The following NRXN3 variants were observed in gnomAD, a reference collection of about 807,000 sequenced individuals.
The protein encoded by NRXN3 is neurexin 3, also known as neurexin III.
Under a neutral mutation model 137.6 loss-of-function variants are expected in NRXN3, and 32 were observed. The ratio of observed to expected loss-of-function variants is 0.23; its 90% CI spans 0.18 to 0.31. The LOEUF (loss-of-function observed/expected upper bound fraction) is 0.31, where lower values mean the gene tolerates loss of function less well. Among genes scored for constraint, NRXN3 ranks in the 10% least tolerant of loss-of-function variants. The probability of loss-of-function intolerance (pLI) is 1.00; values close to 1 mark genes in which losing one functional copy is unlikely to be tolerated. For synonymous variants in NRXN3, 798 were observed against 784.5 expected (o/e 1.02, Z -0.29); for missense variants, 1,574 against 2,062.5 (o/e 0.76, Z 4.59).
chr14:78,763,707 C>T (rs1337847882), intron 8 of NRXN3, among the ~76,000 whole-genome samples: 5 of 151,978 alleles, frequency 3.3e-5, no homozygotes, highest in Non-Finnish European at 7.4e-5. Context: ...TTGTATAGTA[C>T]CTAGTTTTAA....
intron 10 of NRXN3, among the ~76,000 whole-genome samples, chr14:78,821,560 TAGAA>T (rs2153128198): frequency 6.6e-6 from 1 of 152,012 alleles, no homozygotes; most frequent in South Asian, 2.1e-4. Flanking sequence ...GTGTGTCAGA[TAGAA>T]AGACAAAGGG....
intron 4 of NRXN3, among the ~76,000 whole-genome samples, chr14:78,607,078 A>C (rs79954324): frequency 6.6e-6 from 1 of 152,122 alleles, no homozygotes; most frequent in Non-Finnish European, 1.5e-5. Flanking sequence ...AGCTGAGGGC[A>C]TTGTAAGTTT....
intron 4 of NRXN3, among the ~76,000 whole-genome samples, chr14:78,400,629 A>G (rs77164086): frequency 0.023 from 3,484 of 152,272 alleles, 66 homozygotes; most frequent in Non-Finnish European, 0.034. Context: ...ACTGTGCATG[A>G]TGCTGTATAG....
At chr14:79,565,212 T>TATATATATGTGTGTGTATATATAC (rs1555526775) in intron 16 of NRXN3, among the ~76,000 whole-genome samples, 76 of 143,016 alleles carry the variant, frequency 5.3e-4, no homozygotes, top group Non-Finnish European at 8.4e-4. Flanking sequence ...TGTTTGTGTA[T>TATATATATGTGTGTGTATATATAC]ATATATGTGT....
chr14:78,279,068 A>G (rs1167155573), intron 3 of NRXN3, among the ~76,000 whole-genome samples: 3 of 152,240 alleles, frequency 2.0e-5, no homozygotes, highest in Non-Finnish European at 4.4e-5. Context: ...CATACGTAGC[A>G]TGGAAAATGT....
In NRXN3 at chr14:78,651,298, G is replaced by A; in HGVS notation, c.1193G>A (p.Ser398Asn). 1 of 1,614,010 alleles carries A rather than the reference G, an allele frequency of 6.2e-7. No homozygotes were observed. Among genetic ancestry groups the A allele is most frequent in the Non-Finnish European group, 8.5e-7 (1 of 1,179,932 alleles). Residue 398 changes from serine to asparagine, a missense_variant, in exon 6 of 21, where the codon AGC becomes AAC. By Grantham distance (46) the Ser-to-Asn change is conservative. Transcript: ENST00000335750. The part of the protein sequence containing the change: ...STADLPGSPV[S>N]NNFMGCLKEV... The stretch of plus-strand genomic sequence containing the variant: ...GCTGACTTGCCTGGCTCCCCTGTCA[G>A]CAACAACTTCATGGGCTGCCTTAAA...
At chr14:79,676,857 GA>G (rs2098643467) in intron 17 of NRXN3, among the ~76,000 whole-genome samples, 1 of 151,948 alleles carries the variant, frequency 6.6e-6, no homozygotes, top group Non-Finnish European at 1.5e-5. Context: ...TACCAGAATA[GA>G]AAGCATATAC....
intron 20 of NRXN3, among the ~76,000 whole-genome samples, chr14:79,818,479 A>G (rs925631438): frequency 6.6e-6 from 1 of 152,184 alleles, no homozygotes; most frequent in Admixed American, 6.5e-5. Context: ...TTGGGTTAAG[A>G]TACTGCATTT....
chr14:78,445,897 G>T (rs1567613022), intron 4 of NRXN3, among the ~76,000 whole-genome samples: 1 of 152,192 alleles, frequency 6.6e-6, no homozygotes, highest in African/African-American at 2.4e-5. Context: ...TGTTCTTGAG[G>T]TTCTGTTCAG....
chr14:79,661,796 AT>A (rs754570430), intron 16 of NRXN3: 6 of 83,382 alleles, frequency 7.2e-5, no homozygotes, highest in African/African-American at 1.1e-4. Context: ...GAATAAAAAA[AT>A]AATAGAAGAT....
intron 4 of NRXN3, among the ~76,000 whole-genome samples, chr14:78,492,434 A>G (rs1237119404): frequency 3.9e-5 from 6 of 152,240 alleles, no homozygotes; most frequent in Non-Finnish European, 8.8e-5. Context: ...GATCGTGCAT[A>G]TAAAGTACTT....
chr14:78,592,475 C>T (rs2097125843), intron 4 of NRXN3, among the ~76,000 whole-genome samples: 1 of 152,112 alleles, frequency 6.6e-6, no homozygotes, highest in African/African-American at 2.4e-5. Context: ...TGCCCTGTTT[C>T]CCCATCAGAG....
At chr14:78,603,720 G>A (rs1014266247) in intron 4 of NRXN3, among the ~76,000 whole-genome samples, 11 of 152,118 alleles carry the variant, frequency 7.2e-5, no homozygotes, top group Non-Finnish European at 1.3e-4. Flanking sequence ...ATTAGGACAA[G>A]ACCTCTCCTT....
At chr14:78,737,345 G>A (rs1250562169) in intron 8 of NRXN3, among the ~76,000 whole-genome samples, 1 of 152,142 alleles carries the variant, frequency 6.6e-6, no homozygotes, top group Non-Finnish European at 1.5e-5. Context: ...GTTCCCAAGT[G>A]CACTATAGGA....
At chr14:79,763,764 A>T (rs1281804828) in intron 19 of NRXN3, among the ~76,000 whole-genome samples, 1 of 151,422 alleles carries the variant, frequency 6.6e-6, no homozygotes, top group Non-Finnish European at 1.5e-5. Flanking sequence ...CCCACTTATG[A>T]GGTCTCTGCC....
At chr14:78,263,680 T>G (rs1054513020) in intron 2 of NRXN3, among the ~76,000 whole-genome samples, 1 of 152,192 alleles carries the variant, frequency 6.6e-6, no homozygotes, top group African/African-American at 2.4e-5. Flanking sequence ...ATTTTTCGTG[T>G]GCCTATCAAA....
intron 10 of NRXN3, among the ~76,000 whole-genome samples, chr14:78,948,640 T>G (rs2099376157): frequency 6.6e-6 from 1 of 150,998 alleles, no homozygotes; most frequent in South Asian, 2.1e-4. Flanking sequence ...TTTTTTTTTT[T>G]TTTTTTTTTT....
intron 6 of NRXN3, chr14:78,708,696 C>T (rs2098380857): frequency 6.5e-6 from 1 of 154,030 alleles, no homozygotes; most frequent in Non-Finnish European, 1.4e-5. Context: ...ACAATGATAA[C>T]ATAATGCACC....
rs111853724 is a variant in NRXN3, at chr14:79,160,348, A to G, written c.3262+172207A>G. Among the ~76,000 whole-genome samples the G allele has an allele frequency of 2.3e-3, 352 of 152,062 alleles. 2 individuals are homozygous for G. The highest frequency in any genetic ancestry group is 7.9e-3 in the African/African-American group (327 of 41,538). On this transcript the variant is annotated intron_variant, in intron 15 of 20. Coordinates refer to ENST00000335750, the MANE Select transcript of NRXN3 (RefSeq NM_001330195.2). ...TGGATTCTCCCACTCCCCAGCTTTT[A>G]AATTTAGTCCATTCTATGTAGTGCC...
Sources: gnomAD v4.1 joint callset for allele counts (sites outside exome capture counted in the v4.1 genomes callset) on GRCh38, gnomAD v4.1.1 for gene constraint, MANE v1.5 for transcripts, NCBI Gene and HGNC (gene_info 2026-07-23, HGNC 2026-07-21) for gene names.